Variants in PTCHD4 observed in about 807,000 individuals in gnomAD.
PTCHD4 encodes patched domain containing 4, also known as patched domain-containing protein 4.
Under a neutral mutation model 58.1 loss-of-function variants are expected in PTCHD4, and 33 were observed. That is an observed-to-expected ratio of 0.57 (90% confidence interval 0.43 to 0.76). The LOEUF (loss-of-function observed/expected upper bound fraction) is 0.76, where lower values mean the gene tolerates loss of function less well. PTCHD4 is among the 30% of genes least tolerant of loss of function. The pLI is 0.00. For synonymous variants in PTCHD4, 478 were observed against 409.6 expected (o/e 1.17, Z -2.02); for missense variants, 1,058 against 1,027.1 (o/e 1.03, Z -0.41).
intron 3 of PTCHD4, among the ~76,000 whole-genome samples, chr6:48,023,020 C>A (rs1037583658): frequency 6.6e-6 from 1 of 151,986 alleles, no homozygotes; most frequent in African/African-American, 2.4e-5. Flanking sequence ...GAGTAGTGAC[C>A]CAATCAAGCT....
Position 47,857,422 on chromosome 6 carries a change from C to G in PTCHD4, c.*20881G>C, listed in dbSNP as rs943202721. ...GCTTCTTAAAACTTCTGCACTGCAGCAAGACGGTATCACACTGACTTCCTG... is the reference window on the plus strand; with the variant it reads ...GCTTCTTAAAACTTCTGCACTGCAGGAAGACGGTATCACACTGACTTCCTG... On this transcript the variant is annotated 3_prime_UTR_variant, in exon 5 of 5. Coordinates refer to ENST00000339488, the MANE Select transcript of PTCHD4 (RefSeq NM_001384253.1). Among the ~76,000 whole-genome samples the G allele has an allele frequency of 2.0e-5, 3 of 152,036 alleles. No homozygotes were observed. Among genetic ancestry groups the G allele is most frequent in the Non-Finnish European group, 4.4e-5 (3 of 67,980 alleles).
chr6:47,998,052 C>G (rs1768570943), intron 4 of PTCHD4, among the ~76,000 whole-genome samples: 1 of 152,124 alleles, frequency 6.6e-6, no homozygotes, highest in Non-Finnish European at 1.5e-5. Flanking sequence ...GCAGCATTTA[C>G]CTTGCTTGAT....
chr6:47,948,069 C>T (rs1015113256), intron 4 of PTCHD4, among the ~76,000 whole-genome samples: 3 of 152,196 alleles, frequency 2.0e-5, no homozygotes, highest in Non-Finnish European at 1.5e-5. Flanking sequence ...CATAACTTAA[C>T]TGGGTATTCT....
At chr6:48,047,634 T>A (rs1764082825) in intron 3 of PTCHD4, among the ~76,000 whole-genome samples, 1 of 151,800 alleles carries the variant, frequency 6.6e-6, no homozygotes, top group Non-Finnish European at 1.5e-5. Flanking sequence ...TGTGATGCTA[T>A]TTGAAGGTGG....
chr6:48,017,611 T>C (rs925312798), intron 3 of PTCHD4, among the ~76,000 whole-genome samples: 1 of 152,220 alleles, frequency 6.6e-6, no homozygotes, highest in Admixed American at 6.5e-5. Context: ...ATAAGAATTC[T>C]ATTCTCATTA....
intron 3 of PTCHD4, among the ~76,000 whole-genome samples, chr6:48,033,860 G>A (rs145082597): frequency 3.9e-5 from 6 of 151,992 alleles, no homozygotes; most frequent in East Asian, 1.9e-4. Context: ...TTTTTACTAC[G>A]AGATGCTATG....
intron 4 of PTCHD4, among the ~76,000 whole-genome samples, chr6:47,961,767 A>C (rs1767105062): frequency 6.6e-6 from 1 of 152,212 alleles, no homozygotes; most frequent in Non-Finnish European, 1.5e-5. Context: ...CCACTAAAAG[A>C]ATACTTAGGG....
In PTCHD4 at chr6:48,068,341, T is replaced by A; in HGVS notation, c.306A>T (p.Leu102Phe). Residue 102 changes from leucine (L) to phenylalanine (F), a missense_variant, in exon 3 of 5, where the codon TTA becomes TTT. Transcript: ENST00000339488. This position sits in a 1 kb window ranked among gnomAD's most constrained non-coding sequence, Gnocchi z 4.2. ...DQSKSQLYSDLHTPGRYGRVI... is the reference protein window; with the variant it reads ...DQSKSQLYSDFHTPGRYGRVI... ...CCCTGCCATACCTCCCAGGGGTGTG[T>A]AAGTCCGAATAGAGCTGGCTTTTGG... The A allele has an allele frequency of 6.2e-7, 1 of 1,613,900 alleles. No individual in the cohort carries two copies. The highest frequency in any genetic ancestry group is 8.5e-7 in the Non-Finnish European group (1 of 1,179,864).
Position 47,878,443 on chromosome 6 carries a change from C to T in PTCHD4, c.2392G>A (p.Val798Ile). The T allele has an allele frequency of 6.2e-7, 1 of 1,613,404 alleles. No homozygotes were observed. The highest frequency in any genetic ancestry group is 8.5e-7 in the Non-Finnish European group (1 of 1,179,650). The change falls in exon 5 of 5, where the codon GTT (valine) becomes ATT (isoleucine). Residue 798 changes from valine (V) to isoleucine (I), a missense_variant. Val to Ile is a conservative substitution (Grantham distance 29). Transcript: ENST00000339488. ...TGGCTLLHCF[V>I]ILPVFLTFFP... ...AACGTTAGGAACACAGGTAAAATAACAAAACAGTGCAGAAGTGTGCAACCC... is the reference window on the plus strand; with the variant it reads ...AACGTTAGGAACACAGGTAAAATAATAAAACAGTGCAGAAGTGTGCAACCC...
intron 3 of PTCHD4, among the ~76,000 whole-genome samples, chr6:48,011,524 C>T (rs1365392717): frequency 1.3e-5 from 2 of 152,046 alleles, no homozygotes; most frequent in Middle Eastern, 3.2e-3. Flanking sequence ...CTGTGGGTTG[C>T]CTGTTCACTT....
At position 47,867,257 on chromosome 6, in the gene PTCHD4, C is replaced by T. The variant is rs970212306; in HGVS notation, c.*11046G>A. ...TCTCACACTTTGAGGGCTTTTGTGC[C>T]AGAACGTGGACGGTGTTCCATCATC... On this transcript the variant is annotated 3_prime_UTR_variant, in exon 5 of 5. Coordinates refer to ENST00000339488, the MANE Select transcript of PTCHD4 (RefSeq NM_001384253.1). Among the ~76,000 whole-genome samples, 2 of 151,696 alleles carry T rather than the reference C, an allele frequency of 1.3e-5. No homozygotes were observed. Among genetic ancestry groups the T allele is most frequent in the Non-Finnish European group, 2.9e-5 (2 of 67,820 alleles).
chr6:47,866,155 T>C lies in PTCHD4; in HGVS notation c.*12148A>G, dbSNP rs1341410155. Among the ~76,000 whole-genome samples the C allele has an allele frequency of 1.3e-5, 2 of 151,942 alleles. No individual in the cohort carries two copies. Among genetic ancestry groups the C allele is most frequent in the Admixed American group, 6.6e-5 (1 of 15,222 alleles). The stretch of plus-strand genomic sequence containing the variant: ...CAAGTTCTGGCTTATATTCTAGTTA[T>C]AGATGTCACAGACGCTTTTGTCTTG... On this transcript the variant is annotated 3_prime_UTR_variant, in exon 5 of 5. Transcript: ENST00000339488.
rs1299516903 is a variant in PTCHD4 at position 47,892,809 on chromosome 6, T to A, written c.899-12873A>T. Among the ~76,000 whole-genome samples the A allele has an allele frequency of 2.0e-5, 3 of 152,212 alleles. No homozygotes were observed. The East Asian group carries it at 5.8e-4, about 29-fold the overall frequency. The stretch of plus-strand genomic sequence containing the variant: ...TTAAGGGGCATCCCTGAATGTTTTG[T>A]GGCCTTTCTTCCCAATGAAGATGAA... On this transcript the variant is annotated intron_variant, in intron 4 of 4. Transcript: ENST00000339488.
At chr6:48,075,274 A>G (rs2113888010) in intron 1 of PTCHD4, among the ~76,000 whole-genome samples, 1 of 152,298 alleles carries the variant, frequency 6.6e-6, no homozygotes, top group Non-Finnish European at 1.5e-5. Context: ...ATGGTAAAAT[A>G]TCCAACTATA....
chr6:48,058,644 C>A (rs1764504603), intron 3 of PTCHD4, among the ~76,000 whole-genome samples: 1 of 152,084 alleles, frequency 6.6e-6, no homozygotes, highest in Non-Finnish European at 1.5e-5. Context: ...AATAGAAAAA[C>A]CATAATCTCA....
At chr6:48,087,760 C>G (rs1291136961) in intron 1 of PTCHD4, among the ~76,000 whole-genome samples, 1 of 152,170 alleles carries the variant, frequency 6.6e-6, no homozygotes, top group Non-Finnish European at 1.5e-5. Context: ...TCATACCTAT[C>G]TAAAAGAATT....
intron 4 of PTCHD4, among the ~76,000 whole-genome samples, chr6:47,892,721 G>A (rs728740): frequency 0.64 from 97,614 of 152,100 alleles, 32,321 homozygotes; most frequent in East Asian, 0.78. Flanking sequence ...TGATTCAAGA[G>A]AAAAATCTTC....
intron 4 of PTCHD4, among the ~76,000 whole-genome samples, chr6:47,954,620 A>G (rs1766784020): frequency 6.6e-6 from 1 of 152,194 alleles, no homozygotes. Context: ...CAGCATTAGT[A>G]TTGGTATTGC....
At chr6:47,895,236 G>A (rs1764498227) in intron 4 of PTCHD4, among the ~76,000 whole-genome samples, 1 of 152,168 alleles carries the variant, frequency 6.6e-6, no homozygotes, top group Admixed American at 6.5e-5. Flanking sequence ...GGAAAGATGA[G>A]CTTGGCCACG....
Sources: allele counts gnomAD v4.1 joint callset (sites outside exome capture counted in the v4.1 genomes callset), GRCh38; gene constraint gnomAD v4.1.1; non-coding constraint Gnocchi (gnomAD v3.1); transcripts MANE v1.5; gene names NCBI Gene and HGNC (gene_info 2026-07-23, HGNC 2026-07-21).